Variants in FOXN3 observed in about 807,000 individuals in gnomAD.
The protein encoded by FOXN3 is forkhead box N3.
A neutral mutation model predicts 38.4 loss-of-function variants in FOXN3; 7 were observed. The ratio of observed to expected loss-of-function variants is 0.18; its 90% CI spans 0.10 to 0.34. FOXN3 has a LOEUF of 0.34. Among genes scored for constraint, FOXN3 ranks in the 10% least tolerant of loss-of-function variants. The pLI is 1.00. For synonymous variants in FOXN3, 230 were observed against 242.2 expected (o/e 0.95, Z 0.47); for missense variants, 456 against 613.4 (o/e 0.74, Z 2.71).
Position 89,411,998 on chromosome 14 carries a change from T to C in FOXN3, c.479A>G (p.Asn160Ser). ...CAATGATAAATTGTGTCTCACTGAG[T>C]TTTTCCACCCAGTAGGTGCATTTGC... ...YFANAPTGWK[N>S]SVRHNLSLNK... The change falls in exon 2 of 6, where the codon AAC (asparagine) becomes AGC (serine). Residue 160 changes from asparagine (N) to serine (S), a missense_variant. Asn to Ser is a conservative substitution (Grantham distance 46). Around this residue, in one of 3 missense-constraint regions of FOXN3, gnomAD observed 386 missense variants for 505.2 expected, o/e 0.76. Coordinates refer to ENST00000557258, the MANE Select transcript of FOXN3 (RefSeq NM_005197.4). 1.9e-6 allele frequency: 3 copies of C among 1,599,446 alleles called. No homozygotes were observed. The highest frequency in any genetic ancestry group is 2.6e-6 in the Non-Finnish European group (3 of 1,172,326).
chr14:89,336,089 C>T (rs1265202729), intron 3 of FOXN3, among the ~76,000 whole-genome samples: 1 of 151,322 alleles, frequency 6.6e-6, no homozygotes, highest in Non-Finnish European at 1.5e-5. Flanking sequence ...TGTGATTCTC[C>T]CCACCCTACA....
chr14:89,217,553 A>C (rs1177538662), intron 4 of FOXN3, among the ~76,000 whole-genome samples: 1 of 152,212 alleles, frequency 6.6e-6, no homozygotes, highest in Non-Finnish European at 1.5e-5. Flanking sequence ...TCGCCATTTC[A>C]TTCACTTGCT....
chr14:89,589,001 T>C (rs1163920399), intron 1 of FOXN3, among the ~76,000 whole-genome samples: 1 of 152,210 alleles, frequency 6.6e-6, no homozygotes, highest in Non-Finnish European at 1.5e-5. Context: ...CTTCTTAGTG[T>C]GCCCTCAAAG....
chr14:89,386,008 G>A (rs1169224454), intron 2 of FOXN3, among the ~76,000 whole-genome samples: 1 of 152,202 alleles, frequency 6.6e-6, no homozygotes, highest in East Asian at 1.9e-4. Flanking sequence ...GACTCACAAC[G>A]GTTCTACTCT....
intron 1 of FOXN3, among the ~76,000 whole-genome samples, chr14:89,423,938 G>A (rs1395764779): frequency 6.6e-6 from 1 of 152,164 alleles, no homozygotes; most frequent in African/African-American, 2.4e-5. Context: ...CTGGGAAGAG[G>A]CAATAAACCC....
chr14:89,334,436 C>T (rs1380703291), intron 3 of FOXN3, among the ~76,000 whole-genome samples: 3 of 152,056 alleles, frequency 2.0e-5, no homozygotes, highest in African/African-American at 7.2e-5. Flanking sequence ...ATGGCAAAAC[C>T]CTGTCTCTAC....
chr14:89,469,478 G>A (rs763676172), intron 1 of FOXN3, among the ~76,000 whole-genome samples: 6 of 152,240 alleles, frequency 3.9e-5, no homozygotes, highest in Non-Finnish European at 5.9e-5. Context: ...AGGTTCAAGG[G>A]TGTTTTTCTC....
At chr14:89,495,557 G>A (rs1036586969) in intron 1 of FOXN3, among the ~76,000 whole-genome samples, 2 of 152,146 alleles carry the variant, frequency 1.3e-5, no homozygotes, top group Non-Finnish European at 2.9e-5. Flanking sequence ...TATTAGCAGG[G>A]CAGGTAAGGA....
At chr14:89,381,532 C>CAAAA (rs71897384) in intron 2 of FOXN3, among the ~76,000 whole-genome samples, 2,136 of 75,776 alleles carry the variant, frequency 0.028, 67 homozygotes, top group Non-Finnish European at 0.043. Flanking sequence ...CCTCAAAAAG[C>CAAAA]AAAAAAAAAA....
chr14:89,356,646 G>C (rs1889239450), intron 2 of FOXN3: 1 of 152,128 alleles, frequency 6.6e-6, no homozygotes, highest in Non-Finnish European at 1.5e-5. Context: ...CCATTTTGGA[G>C]GGTGCTTCTA....
chr14:89,198,239 A>C (rs1041294937), intron 4 of FOXN3, among the ~76,000 whole-genome samples: 1 of 152,192 alleles, frequency 6.6e-6, no homozygotes, highest in African/African-American at 2.4e-5. Context: ...TCTAACAACT[A>C]TTTACATAGT....
intron 5 of FOXN3, 43 bp downstream of exon 5, chr14:89,180,658 C>T: frequency 6.9e-7 from 1 of 1,446,752 alleles, no homozygotes; most frequent in Non-Finnish European, 9.4e-7. Flanking sequence ...AGCTGCCCTT[C>T]CCACTCCCCA....
chr14:89,417,406 C>T (rs1308062482), upstream of FOXN3: 1 of 147,688 alleles, frequency 6.8e-6, no homozygotes, highest in East Asian at 2.0e-4. Flanking sequence ...CGCGCCCCAG[C>T]ACTCAGCCAG....
rs548945791 is a variant in FOXN3, at chr14:89,347,795, T to C, written c.680+2877A>G. On this transcript the variant is annotated intron_variant, in intron 3 of 5. Transcript: ENST00000557258. Reference sequence around the variant, plus strand: ...GGTAAAACCCCATCTCTACGAAAAATACAAAAATTAGCTGGGTGTGGTGGC... The same window carrying C: ...GGTAAAACCCCATCTCTACGAAAAACACAAAAATTAGCTGGGTGTGGTGGC... Among the ~76,000 whole-genome samples, 20 of 151,698 alleles carry C rather than the reference T, an allele frequency of 1.3e-4. No individual in the cohort carries two copies. In the East Asian group the frequency reaches 3.9e-3, roughly 29 times the overall value.
chr14:89,401,355 T>C (rs1170116235), intron 2 of FOXN3, among the ~76,000 whole-genome samples: 1 of 152,094 alleles, frequency 6.6e-6, no homozygotes, highest in Non-Finnish European at 1.5e-5. Flanking sequence ...GGCAGAAGAA[T>C]CACTTGAAGC....
chr14:89,584,090 C>A (rs1895797907), intron 1 of FOXN3, among the ~76,000 whole-genome samples: 1 of 149,118 alleles, frequency 6.7e-6, no homozygotes, highest in African/African-American at 2.5e-5. Flanking sequence ...GAACTCTTTA[C>A]TCAAGGAATC....
upstream of FOXN3, chr14:89,417,779 C>A (rs1309812916): frequency 2.2e-6 from 1 of 455,060 alleles, no homozygotes; most frequent in South Asian, 1.6e-5. Context: ...CTCCCAGCGA[C>A]CACCTCGTGT....
At chr14:89,196,754 T>C (rs1888109623) in intron 4 of FOXN3, among the ~76,000 whole-genome samples, 1 of 152,202 alleles carries the variant, frequency 6.6e-6, no homozygotes, top group South Asian at 2.1e-4. Context: ...GTGGGTATTC[T>C]GTGGGTTCCT....
At chr14:89,278,322 C>T (rs58162188) in intron 4 of FOXN3, among the ~76,000 whole-genome samples, 12,937 of 152,124 alleles carry the variant, frequency 0.085, 630 homozygotes, top group African/African-American at 0.13. Flanking sequence ...TGTGGGAAAC[C>T]GCCCCATGAT....
Sources: allele counts gnomAD v4.1 joint callset (sites outside exome capture counted in the v4.1 genomes callset), GRCh38; gene constraint gnomAD v4.1.1; regional missense constraint gnomAD v4.1.1; transcripts MANE v1.5; gene names NCBI Gene and HGNC (gene_info 2026-07-23, HGNC 2026-07-21).